ZNF704: variants seen among roughly 807,000 people sequenced by gnomAD.
ZNF704 encodes zinc finger protein 704, also known as glucocorticoid induced gene 1.
Under a neutral mutation model 44.7 loss-of-function variants are expected in ZNF704, and 10 were observed. The observed-to-expected ratio is 0.22, with a 90% CI of 0.14 to 0.38. ZNF704 has a LOEUF of 0.38. ZNF704 is among the 10% of genes least tolerant of loss of function. ZNF704 has a pLI of 1.00. For synonymous variants in ZNF704, 211 were observed against 207.6 expected (o/e 1.02, Z -0.14); for missense variants, 390 against 545.5 (o/e 0.71, Z 2.84).
chr8:80,660,872 G>C (rs543028035), intron 6 of ZNF704, among the ~76,000 whole-genome samples: 1 of 152,180 alleles, frequency 6.6e-6, no homozygotes, highest in African/African-American at 2.4e-5. Context: ...CTAGGACATG[G>C]GCCCAGGCAA....
chr8:80,742,302 G>A lies in ZNF704; in HGVS notation c.222-49195C>T, dbSNP rs192902161. Among the ~76,000 whole-genome samples, 193 of 152,300 alleles carry A rather than the reference G, an allele frequency of 1.3e-3. 1 individual carries two copies. Among genetic ancestry groups the A allele is most frequent in the African/African-American group, 3.9e-3 (164 of 41,564 alleles). On this transcript the variant is annotated intron_variant, in intron 2 of 8. Transcript: ENST00000327835. ...GCCCCAATACTCAGCAGAAGAAATC[G>A]AATGGGGAACCTCACGAGGACATAG...
intron 7 of ZNF704, among the ~76,000 whole-genome samples, chr8:80,652,237 C>A: frequency 6.6e-6 from 1 of 151,564 alleles, no homozygotes; most frequent in Non-Finnish European, 1.5e-5. Flanking sequence ...AATTGACACC[C>A]TAACATCACA....
intron 2 of ZNF704, among the ~76,000 whole-genome samples, chr8:80,742,265 C>T (rs1806773228): frequency 6.6e-6 from 1 of 152,200 alleles, no homozygotes; most frequent in African/African-American, 2.4e-5. Context: ...GTAACCCCCT[C>T]CAGGAAACCA....
Position 80,670,621 on chromosome 8 carries a change from T to C in ZNF704, c.559-18A>G. Reference sequence around the variant, plus strand: ...ATGGAATTCTGTAAAGGGGAGAGAGTGATATTAGAATGGAAACTATTTTCT... The same window carrying C: ...ATGGAATTCTGTAAAGGGGAGAGAGCGATATTAGAATGGAAACTATTTTCT... On this transcript the variant is annotated intron_variant, in intron 4 of 8. Transcript: ENST00000327835. 3.3e-6 allele frequency: 5 copies of C among 1,518,944 alleles called. No individual in the cohort carries two copies. Among genetic ancestry groups the C allele is most frequent in the Non-Finnish European group, 4.6e-6 (5 of 1,095,242 alleles). The allele number at this position is 1,518,944 out of a possible 1,614,324, so 94.1% of individuals were successfully genotyped here. A position where few individuals can be genotyped will look rare whatever the true frequency, so the allele number is the denominator to read the frequency against.
chr8:80,862,476 G>A (rs1261577745), intron 1 of ZNF704, among the ~76,000 whole-genome samples: 1 of 151,454 alleles, frequency 6.6e-6, no homozygotes, highest in Non-Finnish European at 1.5e-5. Context: ...AAAGGACTTG[G>A]CACAGTGGCT....
intron 6 of ZNF704, among the ~76,000 whole-genome samples, chr8:80,662,508 G>A (rs763143455): frequency 1.3e-5 from 2 of 152,078 alleles, no homozygotes; most frequent in Non-Finnish European, 2.9e-5. Flanking sequence ...TGAATTATTC[G>A]TTTTGACCAA....
intron 2 of ZNF704, 25 bp from the exon 3 acceptor site, chr8:80,693,132 T>C: frequency 6.3e-7 from 1 of 1,598,944 alleles, no homozygotes; most frequent in Non-Finnish European, 8.6e-7. Context: ...GGGACACTGG[T>C]GACTGTTCAC....
At chr8:80,733,204 T>C (rs755293857) in intron 2 of ZNF704, among the ~76,000 whole-genome samples, 29 of 152,294 alleles carry the variant, frequency 1.9e-4, no homozygotes, top group Non-Finnish European at 3.1e-4. Context: ...TCTTTTTTAA[T>C]CTCATAGAAC....
At chr8:80,879,939 A>G in the ZNF704 span, among the ~76,000 whole-genome samples, 1 of 152,228 alleles carries the variant, frequency 6.6e-6, no homozygotes, top group East Asian at 1.9e-4. Context: ...AACAGGGCAG[A>G]AGAGGAATTT....
intron 1 of ZNF704, among the ~76,000 whole-genome samples, chr8:80,825,105 C>A (rs559271888): frequency 6.6e-4 from 100 of 152,168 alleles, no homozygotes; most frequent in Non-Finnish European, 1.3e-3. Flanking sequence ...GGGCTAAATG[C>A]TCCAATTAAA....
At chr8:80,821,823 A>G (rs1005927023) in intron 1 of ZNF704, among the ~76,000 whole-genome samples, 2 of 152,222 alleles carry the variant, frequency 1.3e-5, no homozygotes, top group Non-Finnish European at 2.9e-5. Context: ...GCAAATAAGA[A>G]ACATCACAAA....
At chr8:80,798,114 G>A (rs34955534) in intron 2 of ZNF704, among the ~76,000 whole-genome samples, 9,347 of 151,978 alleles carry the variant, frequency 0.062, 409 homozygotes, top group Non-Finnish European at 0.094. Flanking sequence ...GGTGTATTAA[G>A]TTCTACATTC....
In ZNF704 at chr8:80,636,372, T is replaced by C. The variant is rs1278790812; in HGVS notation, c.*4994A>G. ...TACGATAGATATACCTTTTAAAGCATGTATATCATTGGATATGGGCTTTTT... is the reference window on the plus strand; with the variant it reads ...TACGATAGATATACCTTTTAAAGCACGTATATCATTGGATATGGGCTTTTT... On this transcript the variant is annotated 3_prime_UTR_variant, in exon 9 of 9. Transcript: ENST00000327835. 3.3e-5 allele frequency: 5 copies of C among 152,234 alleles called. No individual in the cohort carries two copies. The highest frequency in any genetic ancestry group is 9.6e-5 in the African/African-American group (4 of 41,458). 9.4% of individuals were successfully genotyped at this position (152,234 alleles called of 1,614,324 possible).
chr8:80,829,259 T>A (rs1808429165), intron 1 of ZNF704, among the ~76,000 whole-genome samples: 1 of 152,156 alleles, frequency 6.6e-6, no homozygotes, highest in Non-Finnish European at 1.5e-5. Flanking sequence ...ATGTTAAACA[T>A]CCATCACTAG....
chr8:80,850,751 G>A (rs1277144148), intron 1 of ZNF704, among the ~76,000 whole-genome samples: 1 of 152,014 alleles, frequency 6.6e-6, no homozygotes, highest in African/African-American at 2.4e-5. Context: ...ACACTTTTGA[G>A]CTCATTACTA....
intron 2 of ZNF704, among the ~76,000 whole-genome samples, chr8:80,808,926 T>C (rs1008885992): frequency 6.6e-6 from 1 of 152,212 alleles, no homozygotes; most frequent in African/African-American, 2.4e-5. Flanking sequence ...CCAAGTGTCA[T>C]TAACGATTAG....
At chr8:80,674,612 G>A (rs1818334945) in intron 4 of ZNF704, among the ~76,000 whole-genome samples, 1 of 152,142 alleles carries the variant, frequency 6.6e-6, no homozygotes, top group South Asian at 2.1e-4. Context: ...ATGAGAGTGA[G>A]ACTCTCATGC....
chr8:80,785,433 G>A (rs1807597501), intron 2 of ZNF704, among the ~76,000 whole-genome samples: 1 of 152,064 alleles, frequency 6.6e-6, no homozygotes, highest in African/African-American at 2.4e-5. Flanking sequence ...AAAAGTGAAG[G>A]GTTATGTTCT....
intron 5 of ZNF704, among the ~76,000 whole-genome samples, chr8:80,665,912 A>T (rs912339350): frequency 1.3e-5 from 2 of 151,312 alleles, no homozygotes; most frequent in East Asian, 3.9e-4. Context: ...AGCCAATTAA[A>T]CCTTTTTTCT....
Sources: gnomAD v4.1 joint callset for allele counts (sites outside exome capture counted in the v4.1 genomes callset) on GRCh38, gnomAD v4.1.1 for gene constraint, MANE v1.5 for transcripts, NCBI Gene and HGNC (gene_info 2026-07-23, HGNC 2026-07-21) for gene names.